Variants in NLK observed in about 807,000 individuals in gnomAD.
The protein encoded by NLK is nemo like kinase.
NLK carries 11 observed loss-of-function variants against 59.0 expected under a neutral mutation model. The observed-to-expected ratio is 0.19, with a 90% CI of 0.12 to 0.31. NLK has a LOEUF of 0.31. Ranked by LOEUF, NLK falls within the 10% of genes least tolerant of loss-of-function variation. The pLI is 1.00. For synonymous variants in NLK, 235 were observed against 235.9 expected (o/e 1.00, Z 0.03); for missense variants, 410 against 661.1 (o/e 0.62, Z 4.16).
intron 10 of NLK, 114 bp from the exon 11 acceptor site, chr17:28,194,468 A>G (rs1909415339): frequency 1.1e-5 from 8 of 708,366 alleles, no homozygotes; most frequent in Non-Finnish European, 1.8e-5. Context: ...ACAAATAAAA[A>G]TCCAGAAGTG....
intron 10 of NLK, among the ~76,000 whole-genome samples, chr17:28,194,277 A>G (rs759275101): frequency 6.6e-6 from 1 of 152,236 alleles, no homozygotes; most frequent in Non-Finnish European, 1.5e-5. Flanking sequence ...CCAGTATCCT[A>G]TGAGGTAAAC....
intron 8 of NLK, among the ~76,000 whole-genome samples, chr17:28,187,712 A>G (rs750813939): frequency 6.6e-6 from 1 of 152,112 alleles, no homozygotes; most frequent in Non-Finnish European, 1.5e-5. Flanking sequence ...TTTTTCTGGG[A>G]GGTCTTTTGT....
intron 3 of NLK, among the ~76,000 whole-genome samples, chr17:28,160,027 ATAGG>A (rs1907938084): frequency 6.6e-6 from 1 of 152,204 alleles, no homozygotes; most frequent in African/African-American, 2.4e-5. Context: ...TCCAGGGGAA[ATAGG>A]TAGGCAGTTT....
Position 28,132,601 on chromosome 17 carries a change from T to A in NLK, c.589-19T>A. The A allele has an allele frequency of 6.3e-7, 1 of 1,593,518 alleles. No individual in the cohort carries two copies. The highest frequency in any genetic ancestry group is 8.6e-7 in the Non-Finnish European group (1 of 1,168,618). On this transcript the variant is annotated intron_variant, in intron 2 of 10. Transcript: ENST00000407008. ...CCTTTTTTGTTCTCTAAATTTGACT[T>A]TTTTTTTCCTTTTCTCAGGTACTCT... is the stretch of plus-strand genomic sequence containing the variant.
intron 3 of NLK, among the ~76,000 whole-genome samples, chr17:28,142,458 C>G (rs1254755474): frequency 1.3e-5 from 2 of 152,092 alleles, no homozygotes; most frequent in African/African-American, 2.4e-5. Flanking sequence ...CGATTTTTTT[C>G]TAGTTGCAAA....
chr17:28,115,507 CTG>C (rs1905726961), intron 1 of NLK, among the ~76,000 whole-genome samples: 1 of 152,202 alleles, frequency 6.6e-6, no homozygotes, highest in African/African-American at 2.4e-5. Context: ...TCTGTTTCAT[CTG>C]TCTTTGTACC....
intron 5 of NLK, among the ~76,000 whole-genome samples, chr17:28,168,127 C>T (rs576041209): frequency 6.6e-6 from 1 of 150,836 alleles, no homozygotes; most frequent in Non-Finnish European, 1.5e-5. Flanking sequence ...GAGTTTGAGA[C>T]CAGCCTGGCC....
intron 1 of NLK, among the ~76,000 whole-genome samples, chr17:28,085,945 T>G (rs1322632372): frequency 6.6e-6 from 1 of 152,164 alleles, no homozygotes; most frequent in Non-Finnish European, 1.5e-5. Flanking sequence ...GGCTATACCA[T>G]CTAGGTTTGT....
Position 28,043,098 on chromosome 17 carries a change from CGCAGCAGCGGCTGCAGCT to C in NLK, c.231_248del (p.Ala78_Ala83del), listed in dbSNP as rs746542171. On this transcript the variant is annotated inframe_deletion, in exon 1 of 11. Coordinates refer to ENST00000407008, the MANE Select transcript of NLK (RefSeq NM_016231.5). The stretch of plus-strand genomic sequence containing the variant: ...ACACCTCTTCGGCAGCTGCGGCAGC[CGCAGCAGCGGCTGCAGCT>C]GCAGCCATGTTAAACCCTGGGCAAC... 129 of 1,583,700 alleles carry C rather than the reference CGCAGCAGCGGCTGCAGCT, an allele frequency of 8.1e-5. No homozygotes were observed. The highest frequency in any genetic ancestry group is 1.1e-4 in the African/African-American group (8 of 74,126).
intron 5 of NLK, among the ~76,000 whole-genome samples, chr17:28,164,667 G>A (rs1311658061): frequency 6.6e-6 from 1 of 152,158 alleles, no homozygotes; most frequent in Non-Finnish European, 1.5e-5. Context: ...TGAATAGAGA[G>A]AGGTCCACTA....
At position 28,043,237 on chromosome 17, in the gene NLK, A is replaced by C; in HGVS notation, c.364A>C (p.Lys122Gln). ...QVQAAAAATV[K>Q]AHHHQHSHHP... ...ACAGGCTGCCGCAGCTGCTACAGTT[A>C]AGGCGCACCATCATCAGCACTCGCA... Residue 122 changes from lysine (K) to glutamine (Q), a missense_variant, in exon 1 of 11, where the codon AAG (lysine) becomes CAG (glutamine). By Grantham distance (53) the Lys-to-Gln change is moderately conservative. Around this residue, in one of 5 missense-constraint regions of NLK, gnomAD observed 160 missense variants for 171.0 expected, o/e 0.94. Coordinates refer to ENST00000407008, the MANE Select transcript of NLK (RefSeq NM_016231.5). 1 of 1,613,918 alleles carries C rather than the reference A, an allele frequency of 6.2e-7. No individual in the cohort carries two copies. The highest frequency in any genetic ancestry group is 8.5e-7 in the Non-Finnish European group (1 of 1,179,852).
At chr17:28,156,917 T>C (rs1047670704) in intron 3 of NLK, among the ~76,000 whole-genome samples, 1 of 152,198 alleles carries the variant, frequency 6.6e-6, no homozygotes, top group Non-Finnish European at 1.5e-5. Context: ...TGCAAAACCG[T>C]GGTTTTTTTT....
At chr17:28,130,034 A>AT (rs1291726833) in intron 2 of NLK, among the ~76,000 whole-genome samples, 5 of 152,196 alleles carry the variant, frequency 3.3e-5, no homozygotes, top group Non-Finnish European at 7.3e-5. Context: ...ACTTTAATTC[A>AT]TTTTTTAATT....
chr17:28,188,894 C>T (rs907801300), intron 8 of NLK, among the ~76,000 whole-genome samples: 1 of 152,118 alleles, frequency 6.6e-6, no homozygotes, highest in African/African-American at 2.4e-5. Flanking sequence ...CACATGTCTG[C>T]TCCTGAACTG....
intron 1 of NLK, among the ~76,000 whole-genome samples, chr17:28,059,320 A>C (rs1044385778): frequency 6.6e-6 from 1 of 151,932 alleles, no homozygotes. Context: ...TAAGAGTGAG[A>C]GCTCTAATCT....
At chr17:28,197,927 C>G (rs974370857), downstream of NLK, among the ~76,000 whole-genome samples, 2 of 152,014 alleles carry the variant, frequency 1.3e-5, no homozygotes, top group African/African-American at 2.4e-5. Context: ...TGACATACTT[C>G]AAGAGGAAGA....
intron 1 of NLK, among the ~76,000 whole-genome samples, chr17:28,079,257 C>T (rs1391613690): frequency 6.6e-6 from 1 of 152,084 alleles, no homozygotes; most frequent in Non-Finnish European, 1.5e-5. Flanking sequence ...ACCGTATTTT[C>T]TTTATTTATC....
chr17:28,165,013 A>G (rs1164985317), intron 5 of NLK, among the ~76,000 whole-genome samples: 1 of 152,126 alleles, frequency 6.6e-6, no homozygotes, highest in Non-Finnish European at 1.5e-5. Context: ...TATTTTCCCT[A>G]AAAATAGCTG....
chr17:28,194,323 C>T (rs1010138758), intron 10 of NLK, among the ~76,000 whole-genome samples: 2 of 152,178 alleles, frequency 1.3e-5, no homozygotes, highest in Admixed American at 1.3e-4. Flanking sequence ...GAGATTAAGG[C>T]ACTTGCTCAG....
Sources: allele counts gnomAD v4.1 joint callset (sites outside exome capture counted in the v4.1 genomes callset), GRCh38; gene constraint gnomAD v4.1.1; regional missense constraint gnomAD v4.1.1; transcripts MANE v1.5; gene names NCBI Gene and HGNC (gene_info 2026-07-23, HGNC 2026-07-21).